RUNX3: variants seen among roughly 807,000 people sequenced by gnomAD.
The protein encoded by RUNX3 is runt-related transcription factor 3.
In RUNX3, 10 loss-of-function variants were observed where a neutral mutation model predicts 27.7. The observed-to-expected ratio is 0.36, with a 90% CI of 0.22 to 0.61. The LOEUF is 0.61. RUNX3 is among the 20% of genes least tolerant of loss of function. The probability of loss-of-function intolerance (pLI) is 0.72; values close to 1 mark genes in which losing one functional copy is unlikely to be tolerated. For synonymous variants in RUNX3, 270 were observed against 269.2 expected (o/e 1.00, Z -0.03); for missense variants, 469 against 629.5 (o/e 0.75, Z 2.73).
At chr1:24,951,216 A>AAT (rs1557858537) in intron 2 of RUNX3, among the ~76,000 whole-genome samples, 3 of 150,902 alleles carry the variant, frequency 2.0e-5, no homozygotes, top group South Asian at 2.1e-4. Context: ...AAAAAAAAAA[A>AAT]AAAAAAATAA....
intron 4 of RUNX3, among the ~76,000 whole-genome samples, chr1:24,906,437 C>T (rs2124247954): frequency 6.6e-6 from 1 of 152,390 alleles, no homozygotes; most frequent in Non-Finnish European, 1.5e-5. Context: ...GGCCACCAAG[C>T]ACCCTTGGCA....
At position 24,902,515 on chromosome 1, in the gene RUNX3, C is replaced by G; in HGVS notation, c.855G>C (p.Ser285=). The part of the protein sequence containing the change: ...SAAFPYSATP[S]GTSISSLSVA... ...CGCTGAGGCTGCTGATGCTCGTGCCCGAGGGCGTGGCGCTGTAGGGGAAGG... is the reference window on the plus strand; with the variant it reads ...CGCTGAGGCTGCTGATGCTCGTGCCGGAGGGCGTGGCGCTGTAGGGGAAGG... Residue 285 remains serine, a synonymous_variant, in exon 5 of 5, where the codon TCG becomes TCC. Coordinates refer to ENST00000308873, the MANE Select transcript of RUNX3 (RefSeq NM_004350.3). This position sits in a 1 kb window ranked among gnomAD's most constrained non-coding sequence, Gnocchi z 9.2. 6.3e-7 allele frequency: 1 copy of G among 1,597,514 alleles called. No homozygotes were observed. The highest frequency in any genetic ancestry group is 8.6e-7 in the Non-Finnish European group (1 of 1,167,910).
At chr1:24,957,459 C>T (rs1244878411) in intron 2 of RUNX3, among the ~76,000 whole-genome samples, 1 of 152,230 alleles carries the variant, frequency 6.6e-6, no homozygotes, top group Non-Finnish European at 1.5e-5. Context: ...CTCCCAAGAA[C>T]ACCCTTTGGA....
intron 2 of RUNX3, among the ~76,000 whole-genome samples, chr1:24,935,451 C>G (rs1028567237): frequency 6.6e-6 from 1 of 152,244 alleles, no homozygotes; most frequent in African/African-American, 2.4e-5. Context: ...TCCTTCCACG[C>G]CCATCCCCAC....
At chr1:24,910,212 C>A (rs1230382527) in intron 3 of RUNX3, among the ~76,000 whole-genome samples, 1 of 150,728 alleles carries the variant, frequency 6.6e-6, no homozygotes, top group East Asian at 2.0e-4. Context: ...TCGCTTGAAC[C>A]CGGGAGGCGG....
At chr1:24,914,669 G>A (rs1486399996) in intron 3 of RUNX3, among the ~76,000 whole-genome samples, 2 of 152,104 alleles carry the variant, frequency 1.3e-5, no homozygotes, top group East Asian at 1.9e-4. Flanking sequence ...GGCAGACTCC[G>A]CTAGCCCTGC....
intron 3 of RUNX3, 130 bp from the exon 4 acceptor site, chr1:24,907,547 A>C (rs987705026): frequency 1.2e-6 from 1 of 868,008 alleles, no homozygotes; most frequent in East Asian, 2.7e-5. Context: ...CCCTGAGGTC[A>C]CCGCCAGCCT....
In RUNX3 at chr1:24,902,643, A is replaced by G. The variant is rs1571298348; in HGVS notation, c.727T>C (p.Ser243Pro). 1 of 1,527,228 alleles carries G rather than the reference A, an allele frequency of 6.5e-7. No individual in the cohort carries two copies. The highest frequency in any genetic ancestry group is 8.8e-7 in the Non-Finnish European group (1 of 1,134,718). 94.6% of individuals were successfully genotyped at this position (1,527,228 alleles called of 1,614,324 possible). ...GAGCGGTCAAACTGGCGGGGGTCGGAGAATGGGTTCAGTTCCGAGGTGCCT... is the reference window on the plus strand; with the variant it reads ...GAGCGGTCAAACTGGCGGGGGTCGGGGAATGGGTTCAGTTCCGAGGTGCCT... ...IQGTSELNPFSDPRQFDRSFP... is the reference protein window; with the variant it reads ...IQGTSELNPFPDPRQFDRSFP... Residue 243 changes from serine (S) to proline (P), a missense_variant, in exon 5 of 5, where the codon TCC (serine) becomes CCC (proline). Transcript: ENST00000308873. This position sits in a 1 kb window ranked among gnomAD's most constrained non-coding sequence, Gnocchi z 9.2.
intron 4 of RUNX3, among the ~76,000 whole-genome samples, chr1:24,903,140 G>A (rs1640599493): frequency 6.6e-6 from 1 of 152,186 alleles, no homozygotes; most frequent in African/African-American, 2.4e-5. Context: ...GTTGGAACCC[G>A]CTTTTGAAGA....
At chr1:24,949,084 G>A (rs1337725373) in intron 2 of RUNX3, among the ~76,000 whole-genome samples, 4 of 151,984 alleles carry the variant, frequency 2.6e-5, no homozygotes, top group Non-Finnish European at 5.9e-5. Flanking sequence ...TGAGGGGATG[G>A]GGGTCTGCAG....
intron 2 of RUNX3, among the ~76,000 whole-genome samples, chr1:24,960,132 G>A (rs992112295): frequency 7.9e-5 from 12 of 152,216 alleles, no homozygotes; most frequent in African/African-American, 2.9e-4. Flanking sequence ...ACGCCCCAGG[G>A]CAATTTTCTG....
chr1:24,953,863 G>A (rs1641842963), intron 2 of RUNX3, among the ~76,000 whole-genome samples: 1 of 152,156 alleles, frequency 6.6e-6, no homozygotes, highest in East Asian at 1.9e-4. Flanking sequence ...GAATGCTTCT[G>A]GTCCCAGCCA....
chr1:24,954,472 C>T (rs1557860614), intron 2 of RUNX3, among the ~76,000 whole-genome samples: 1 of 152,202 alleles, frequency 6.6e-6, no homozygotes, highest in Non-Finnish European at 1.5e-5. Flanking sequence ...TATTTTCAGG[C>T]CTGGGCAGTT....
At chr1:24,947,494 G>T (rs998791554) in intron 2 of RUNX3, among the ~76,000 whole-genome samples, 4 of 152,128 alleles carry the variant, frequency 2.6e-5, no homozygotes, top group Non-Finnish European at 5.9e-5. Context: ...TGCCAGATGG[G>T]CCAGCTCACC....
At chr1:24,915,593 G>A (rs889486432) in intron 3 of RUNX3, among the ~76,000 whole-genome samples, 4 of 152,170 alleles carry the variant, frequency 2.6e-5, no homozygotes, top group African/African-American at 4.8e-5. Flanking sequence ...TGAAACAGGC[G>A]GGCTGCTGAG....
upstream of RUNX3, among the ~76,000 whole-genome samples, chr1:24,931,627 G>A (rs1641230926): frequency 6.6e-6 from 1 of 152,202 alleles, no homozygotes; most frequent in Non-Finnish European, 1.5e-5. Context: ...AGCCTCGGAA[G>A]CAAAGAAGCT....
rs751004467 is a variant in RUNX3, at chr1:24,919,262, C to T, written c.522G>A (p.Val174=). The change falls in exon 3 of 5, where the codon GTG becomes GTA. Residue 174 remains valine, a synonymous_variant. Transcript: ENST00000308873. ...TACGTCTGGGCTCCCGGGGTCCGTC[C>T]ACGGTCACCTTGATGGCTCGGTGGT... ...ATYHRAIKVT[V]DGPREPRRHR... 1.9e-6 allele frequency: 3 copies of T among 1,600,540 alleles called. No individual in the cohort carries two copies. The South Asian group carries it at 3.3e-5, about 18-fold the overall frequency.
intron 3 of RUNX3, among the ~76,000 whole-genome samples, chr1:24,914,494 C>T (rs986078233): frequency 6.6e-6 from 1 of 152,224 alleles, no homozygotes; most frequent in African/African-American, 2.4e-5. Flanking sequence ...CCCCTGTGAG[C>T]AGATGAAAGC....
chr1:24,929,154 C>T (rs752735978), intron 1 of RUNX3: 3 of 466,244 alleles, frequency 6.4e-6, no homozygotes, highest in African/African-American at 2.0e-5. Context: ...GAAGCTTTTG[C>T]GAAGCGGCGC....
Sources: allele counts gnomAD v4.1 joint callset (sites outside exome capture counted in the v4.1 genomes callset), GRCh38; gene constraint gnomAD v4.1.1; non-coding constraint Gnocchi (gnomAD v3.1); transcripts MANE v1.5; gene names NCBI Gene and HGNC (gene_info 2026-07-23, HGNC 2026-07-21).